CFAP77: variants seen among roughly 807,000 people sequenced by gnomAD.
CFAP77 encodes the protein cilia- and flagella-associated protein 77.
Under a neutral mutation model 31.1 loss-of-function variants are expected in CFAP77, and 25 were observed. The observed-to-expected ratio is 0.80, with a 90% CI of 0.59 to 1.12. CFAP77 has a LOEUF of 1.12. Ranked by LOEUF, CFAP77 falls within the 50% of genes most tolerant of loss-of-function variation. The pLI is 0.00. For missense variants in CFAP77, 377 were observed against 397.3 expected, an observed-to-expected ratio of 0.95 and a Z score of 0.44; for synonymous variants, 151 against 159.9, an observed-to-expected ratio of 0.94 and a Z score of 0.42.
intron 3 of CFAP77, chr9:132,513,199 T>G: frequency 6.8e-7 from 1 of 1,477,230 alleles, no homozygotes. Flanking sequence ...ATTAAGTTAT[T>G]ATTGACTCTA....
chr9:132,461,899 A>AT (rs1851057813), intron 1 of CFAP77, among the ~76,000 whole-genome samples: 1 of 152,282 alleles, frequency 6.6e-6, no homozygotes, highest in Non-Finnish European at 1.5e-5. Flanking sequence ...TGCAGTAAGC[A>AT]TTTTTTAAAC....
At chr9:132,557,672 C>T (rs1852925768) in intron 5 of CFAP77, among the ~76,000 whole-genome samples, 1 of 152,206 alleles carries the variant, frequency 6.6e-6, no homozygotes, top group Admixed American at 6.5e-5. Context: ...TTACTTTGTT[C>T]TGGCACCCCA....
rs1375867214 is a variant in CFAP77 at position 132,539,913 on chromosome 9, CTGTT to C, written c.630+2213_630+2216del. Among the ~76,000 whole-genome samples, 6 of 151,146 alleles carry C rather than the reference CTGTT, an allele frequency of 4.0e-5. No homozygotes were observed. Among genetic ancestry groups the C allele is most frequent in the East Asian group, 2.0e-4 (1 of 5,088 alleles). On this transcript the variant is annotated intron_variant, in intron 4 of 5. Coordinates refer to ENST00000393216, the MANE Select transcript of CFAP77 (RefSeq NM_001282957.2). This position sits in a 1 kb window ranked among gnomAD's most constrained non-coding sequence, Gnocchi z 4.3. ...GCATTAGAGCTGGGAGTTTTTTTTG[CTGTT>C]TGTTTATTTTTGTTTTTGTTTGTTT...
At position 132,498,736 on chromosome 9, in the gene CFAP77, C is replaced by T. The variant is rs149842561; in HGVS notation, c.237C>T (p.Pro79=). 3.2e-4 allele frequency: 518 copies of T among 1,612,616 alleles called. 1 individual carries two copies. The highest frequency in any genetic ancestry group is 3.6e-4 in the Non-Finnish European group (424 of 1,179,312). ...GKPRERSYSL[P]GINFNYGLYI... ...CCCGGGAAAGAAGCTACAGTCTGCCCGGCATTAATTTTAATTATGGACTCT... is the reference window on the plus strand; with the variant it reads ...CCCGGGAAAGAAGCTACAGTCTGCCTGGCATTAATTTTAATTATGGACTCT... Residue 79 remains proline (P), a synonymous_variant, in exon 2 of 6, where the codon CCC becomes CCT. Transcript: ENST00000393216. The surrounding 1 kb of genome is among the most constrained non-coding windows in gnomAD (Gnocchi z 4.2).
Position 132,424,185 on chromosome 9 carries a change from A to C in CFAP77, c.195+13719A>C, listed in dbSNP as rs1188916906. Among the ~76,000 whole-genome samples, 1 of 152,192 alleles carries C rather than the reference A, an allele frequency of 6.6e-6. No homozygotes were observed. Among genetic ancestry groups the C allele is most frequent in the Non-Finnish European group, 1.5e-5 (1 of 68,030 alleles). Reference sequence around the variant, plus strand: ...CACTTTGGGAGGCAGAGGCAGGCAGATCATGAGGTCAGGAGATGGAGACCA... The same window carrying C: ...CACTTTGGGAGGCAGAGGCAGGCAGCTCATGAGGTCAGGAGATGGAGACCA... On this transcript the variant is annotated intron_variant, in intron 1 of 5. Coordinates refer to ENST00000393216, the MANE Select transcript of CFAP77 (RefSeq NM_001282957.2). This position sits in a 1 kb window ranked among gnomAD's most constrained non-coding sequence, Gnocchi z 4.1.
intron 5 of CFAP77, among the ~76,000 whole-genome samples, chr9:132,560,570 C>T (rs1442054730): frequency 2.6e-5 from 4 of 152,206 alleles, no homozygotes; most frequent in South Asian, 2.1e-4. Flanking sequence ...AGGAGCAAAT[C>T]GATTCTCATT....
intron 5 of CFAP77, among the ~76,000 whole-genome samples, chr9:132,557,003 C>G (rs943627415): frequency 6.6e-6 from 1 of 152,208 alleles, no homozygotes; most frequent in Non-Finnish European, 1.5e-5. Flanking sequence ...GCGCTAAATT[C>G]TTTTCTTGTT....
chr9:132,497,916 AG>A lies in CFAP77; in HGVS notation c.196-778del. Among the ~76,000 whole-genome samples, 2 of 152,280 alleles carry A rather than the reference AG, an allele frequency of 1.3e-5. No individual in the cohort carries two copies. The highest frequency in any genetic ancestry group is 4.1e-4 in the South Asian group (2 of 4,828). ...GGGAGACCGCGTGGCAGGATGATCA[AG>A]AGCGCCAGTCAAGAGGACAGGCACG... On this transcript the variant is annotated intron_variant, in intron 1 of 5. Transcript: ENST00000393216. This position sits in a 1 kb window ranked among gnomAD's most constrained non-coding sequence, Gnocchi z 4.9.
At chr9:132,411,466 C>CTCT (rs1208995504) in intron 1 of CFAP77, among the ~76,000 whole-genome samples, 1 of 152,194 alleles carries the variant, frequency 6.6e-6, no homozygotes, top group Non-Finnish European at 1.5e-5. Context: ...TGACTCCCTC[C>CTCT]TCTTGCCTTC....
chr9:132,462,635 A>G (rs567639), intron 1 of CFAP77, among the ~76,000 whole-genome samples: 76,459 of 151,710 alleles, frequency 0.5, 19,534 homozygotes, highest in East Asian at 0.62. Context: ...CTAACGTGGT[A>G]AAACCCCGTC....
At position 132,424,315 on chromosome 9, in the gene CFAP77, T is replaced by G. The variant is rs1235460704; in HGVS notation, c.195+13849T>G. ...TACTCAGGAGGCTGAGGCAGGAGAA[T>G]CACTTGAACCAGGGAGGCAGAAGTT... is the stretch of plus-strand genomic sequence containing the variant. On this transcript the variant is annotated intron_variant, in intron 1 of 5. Coordinates refer to ENST00000393216, the MANE Select transcript of CFAP77 (RefSeq NM_001282957.2). The surrounding 1 kb of genome is among the most constrained non-coding windows in gnomAD (Gnocchi z 4.1). Among the ~76,000 whole-genome samples the G allele has an allele frequency of 6.6e-6, 1 of 151,744 alleles. No individual in the cohort carries two copies. The highest frequency in any genetic ancestry group is 1.5e-5 in the Non-Finnish European group (1 of 67,976).
At chr9:132,504,728 G>A (rs911761304) in intron 3 of CFAP77, among the ~76,000 whole-genome samples, 7 of 152,238 alleles carry the variant, frequency 4.6e-5, no homozygotes, top group East Asian at 1.9e-4. Context: ...TTATTTCTTC[G>A]TAAATGGAGG....
At position 132,450,182 on chromosome 9, in the gene CFAP77, G is replaced by A. The variant is rs532404389; in HGVS notation, c.195+39716G>A. 2.2e-4 allele frequency among the ~76,000 whole-genome samples: 34 copies of A among 151,654 alleles called. No homozygotes were observed. In the South Asian group the frequency reaches 2.9e-3, roughly 13 times the overall value. On this transcript the variant is annotated intron_variant, in intron 1 of 5. Coordinates refer to ENST00000393216, the MANE Select transcript of CFAP77 (RefSeq NM_001282957.2). ...CCTGACCTTGTGATCTGCCCGCCTC[G>A]CCCTCCCAAAGTGCTGGGATTACAG...
chr9:132,468,564 G>A (rs1851196199), intron 1 of CFAP77, among the ~76,000 whole-genome samples: 1 of 152,018 alleles, frequency 6.6e-6, no homozygotes, highest in African/African-American at 2.4e-5. Flanking sequence ...CTCCCTCCAG[G>A]AAGCCTTCCC....
At chr9:132,446,056 T>C (rs1000818909) in intron 1 of CFAP77, among the ~76,000 whole-genome samples, 1 of 152,036 alleles carries the variant, frequency 6.6e-6, no homozygotes, top group African/African-American at 2.4e-5. Context: ...GACCCTTATG[T>C]AGCTGTTCCA....
chr9:132,438,843 T>A (rs1850560827), intron 1 of CFAP77, among the ~76,000 whole-genome samples: 1 of 151,302 alleles, frequency 6.6e-6, no homozygotes, highest in Admixed American at 6.6e-5. Context: ...CCGGCCAACA[T>A]TCTTTGTTTC....
chr9:132,544,953 T>G (rs943143310), intron 5 of CFAP77, among the ~76,000 whole-genome samples: 1 of 151,954 alleles, frequency 6.6e-6, no homozygotes, highest in Non-Finnish European at 1.5e-5. Context: ...CCTCTCTGAT[T>G]TAGAGCCCAA....
At chr9:132,478,570 G>C (rs905108385) in intron 1 of CFAP77, among the ~76,000 whole-genome samples, 1 of 152,194 alleles carries the variant, frequency 6.6e-6, no homozygotes, top group Non-Finnish European at 1.5e-5. Flanking sequence ...CCCTGTCGGC[G>C]TGAGGTGTCC....
intron 1 of CFAP77, among the ~76,000 whole-genome samples, chr9:132,453,746 T>G (rs1850869771): frequency 6.6e-6 from 1 of 152,194 alleles, no homozygotes; most frequent in Admixed American, 6.5e-5. Context: ...ATTCTTGGAT[T>G]CTTGGGTAGG....
Sources: gnomAD v4.1 joint callset for allele counts (sites outside exome capture counted in the v4.1 genomes callset) on GRCh38, gnomAD v4.1.1 for gene constraint, Gnocchi (gnomAD v3.1) non-coding constraint, MANE v1.5 for transcripts, NCBI Gene and HGNC (gene_info 2026-07-23, HGNC 2026-07-21) for gene names.